The following ACTL8 variants were observed in gnomAD, a reference collection of about 807,000 sequenced individuals.
ACTL8 encodes actin like 8.
A neutral mutation model predicts 9.3 loss-of-function variants in ACTL8; 3 were observed. The observed-to-expected ratio is 0.32, with a 90% CI of 0.15 to 0.83. The LOEUF is 0.83. ACTL8 is among the 40% of genes least tolerant of loss of function. ACTL8 has a pLI of 0.57. For synonymous variants in ACTL8, 224 were observed against 205.9 expected, an observed-to-expected ratio of 1.09 and a Z score of -0.75; for missense variants, 381 against 492.2, an observed-to-expected ratio of 0.77 and a Z score of 2.14.
chr1:17,790,890 C>T (rs898041774), intron 1 of ACTL8, among the ~76,000 whole-genome samples: 1 of 152,250 alleles, frequency 6.6e-6, no homozygotes, highest in Non-Finnish European at 1.5e-5. Context: ...TGTGTCAGCA[C>T]TTTCCTGACC....
intron 1 of ACTL8, among the ~76,000 whole-genome samples, chr1:17,817,335 C>G (rs2066432499): frequency 6.6e-6 from 1 of 152,088 alleles, no homozygotes; most frequent in Non-Finnish European, 1.5e-5. Flanking sequence ...TAGAATTGCT[C>G]TCAATCTCTC....
At chr1:17,758,023 C>T (rs2102671369) in intron 1 of ACTL8, among the ~76,000 whole-genome samples, 1 of 152,330 alleles carries the variant, frequency 6.6e-6, no homozygotes, top group Admixed American at 6.5e-5. Flanking sequence ...CTGCTGCCAC[C>T]ACCTATGTTC....
At chr1:17,824,769 C>T (rs114617764) in intron 2 of ACTL8, among the ~76,000 whole-genome samples, 46 of 152,272 alleles carry the variant, frequency 3.0e-4, no homozygotes, top group African/African-American at 1.0e-3. Flanking sequence ...TGCTTGCCAG[C>T]CACTGCTCTA....
chr1:17,776,487 C>A (rs759997299), intron 1 of ACTL8, among the ~76,000 whole-genome samples: 1 of 152,150 alleles, frequency 6.6e-6, no homozygotes, highest in African/African-American at 2.4e-5. Context: ...GAGGCTCACT[C>A]GCTTCGGCTC....
chr1:17,807,616 T>C (rs1277006444), intron 1 of ACTL8, among the ~76,000 whole-genome samples: 9 of 152,118 alleles, frequency 5.9e-5, no homozygotes, highest in Non-Finnish European at 1.3e-4. Context: ...AGTGATAGAC[T>C]GGATTAAGAA....
intron 1 of ACTL8, among the ~76,000 whole-genome samples, chr1:17,759,916 T>G (rs1258303426): frequency 2.6e-5 from 4 of 152,192 alleles, no homozygotes; most frequent in African/African-American, 9.7e-5. Context: ...AGTTTCTTGT[T>G]AATTCCACCT....
At chr1:17,774,208 C>CGAG (rs1324086949) in intron 1 of ACTL8, among the ~76,000 whole-genome samples, 1 of 152,160 alleles carries the variant, frequency 6.6e-6, no homozygotes, top group Non-Finnish European at 1.5e-5. Context: ...TTTCTGTGAC[C>CGAG]GAGGACTCGG....
intron 1 of ACTL8, among the ~76,000 whole-genome samples, chr1:17,774,736 C>T (rs1030716530): frequency 2.0e-5 from 3 of 152,140 alleles, no homozygotes; most frequent in Non-Finnish European, 4.4e-5. Flanking sequence ...TCTGGGACCA[C>T]AGCAGCTTGT....
chr1:17,759,553 C>G (rs1172926227), intron 1 of ACTL8, among the ~76,000 whole-genome samples: 1 of 152,130 alleles, frequency 6.6e-6, no homozygotes, highest in Non-Finnish European at 1.5e-5. Context: ...TTTTTTCTCC[C>G]CCAATGTAGT....
At chr1:17,811,991 G>A (rs59747241) in intron 1 of ACTL8, among the ~76,000 whole-genome samples, 5,928 of 151,222 alleles carry the variant, frequency 0.039, 134 homozygotes, top group African/African-American at 0.048. Context: ...TGGGACTACA[G>A]GTGCATGCCA....
chr1:17,794,617 C>T (rs2066264396), intron 1 of ACTL8, among the ~76,000 whole-genome samples: 1 of 151,178 alleles, frequency 6.6e-6, no homozygotes, highest in African/African-American at 2.5e-5. Context: ...CTGGTCTCAT[C>T]TTATTTTTTT....
In ACTL8 at chr1:17,826,221, C is replaced by CG. The variant is rs1406605817; in HGVS notation, c.807dup (p.Pro270AlafsTer64). On this transcript the variant is annotated frameshift_variant, in exon 3 of 3. Transcript: ENST00000375406. LOFTEE classifies it low-confidence loss of function (END_TRUNC). This position sits in a 1 kb window ranked among gnomAD's most constrained non-coding sequence, Gnocchi z 4.5. ...TTTAGCCCGCAGGTGTTCGAGCAGC[C>CG]GGGGCCCAGCATCCCACGGGCCATT... The CG allele has an allele frequency of 1.2e-6, 2 of 1,613,288 alleles. No homozygotes were observed. Among genetic ancestry groups the CG allele is most frequent in the East Asian group, 2.2e-5 (1 of 44,876 alleles).
chr1:17,795,720 G>A (rs1029815614), intron 1 of ACTL8, among the ~76,000 whole-genome samples: 1 of 152,166 alleles, frequency 6.6e-6, no homozygotes, highest in African/African-American at 2.4e-5. Context: ...GGTTAGATAG[G>A]TGCAGAAATG....
intron 1 of ACTL8, among the ~76,000 whole-genome samples, chr1:17,780,049 A>G (rs868112734): frequency 6.6e-6 from 1 of 152,262 alleles, no homozygotes; most frequent in Middle Eastern, 3.4e-3. Context: ...TCTACAAAAA[A>G]TAACCAAATT....
At chr1:17,783,544 A>G (rs989624002) in intron 1 of ACTL8, among the ~76,000 whole-genome samples, 2 of 152,182 alleles carry the variant, frequency 1.3e-5, no homozygotes, top group Admixed American at 6.5e-5. Flanking sequence ...GGACTAGAAT[A>G]GAGGAAAAGG....
intron 1 of ACTL8, among the ~76,000 whole-genome samples, chr1:17,808,344 G>A (rs1307910655): frequency 1.3e-5 from 2 of 152,144 alleles, no homozygotes; most frequent in Admixed American, 6.5e-5. Context: ...TCCTTCAAAT[G>A]TTATTGTTAG....
intron 1 of ACTL8, among the ~76,000 whole-genome samples, chr1:17,812,879 A>G (rs917367172): frequency 6.6e-6 from 1 of 152,184 alleles, no homozygotes; most frequent in African/African-American, 2.4e-5. Context: ...TTTATACCAA[A>G]GTATCTCTCT....
intron 1 of ACTL8, among the ~76,000 whole-genome samples, chr1:17,769,390 A>C (rs2066068906): frequency 6.6e-6 from 1 of 152,224 alleles, no homozygotes; most frequent in South Asian, 2.1e-4. Flanking sequence ...AATCAGAGTC[A>C]GCAGAAAAAT....
At chr1:17,825,446 A>G (rs1002004610) in intron 2 of ACTL8, among the ~76,000 whole-genome samples, 2 of 152,144 alleles carry the variant, frequency 1.3e-5, no homozygotes, top group Non-Finnish European at 2.9e-5. Context: ...TTCAGGCTGC[A>G]CATGTGACCC....
Sources: gnomAD v4.1 joint callset for allele counts (sites outside exome capture counted in the v4.1 genomes callset) on GRCh38, gnomAD v4.1.1 for gene constraint, Gnocchi (gnomAD v3.1) non-coding constraint, MANE v1.5 for transcripts, NCBI Gene and HGNC (gene_info 2026-07-23, HGNC 2026-07-21) for gene names.